SLC26A3: variants seen among roughly 807,000 people sequenced by gnomAD.
SLC26A3 encodes chloride anion exchanger.
SLC26A3 carries 64 observed loss-of-function variants against 85.6 expected under a neutral mutation model. That is an observed-to-expected ratio of 0.75 (90% CI 0.61 to 0.92). The LOEUF is 0.92. Ranked by LOEUF, SLC26A3 falls within the 40% of genes least tolerant of loss-of-function variation. The pLI, the probability that SLC26A3 is intolerant of heterozygous loss-of-function variation, is 0.00. For synonymous variants in SLC26A3, 349 were observed against 336.0 expected, an observed-to-expected ratio of 1.04 and a Z score of -0.42; for missense variants, 922 against 927.3, an observed-to-expected ratio of 0.99 and a Z score of 0.07.
chr7:107,771,445 T>C (rs992688607), intron 18 of SLC26A3, among the ~76,000 whole-genome samples: 3 of 152,096 alleles, frequency 2.0e-5, no homozygotes, highest in African/African-American at 7.2e-5. Flanking sequence ...AACTATGGTA[T>C]AGAGTGTACG....
chr7:107,770,007 TTTCTTTCTTTCTTTCTTTCTTTCTTTC>T lies in SLC26A3; in HGVS notation c.2062+2020_2062+2046del, dbSNP rs1257960639. On this transcript the variant is annotated intron_variant, in intron 18 of 20. Transcript: ENST00000340010. ...TTCCTTCCTTCCTTTTTTCTCTTTCTTTCTTTCTTTCTTTCTTTCTTTCTTTCTTTCTTTCTTTCTTTCTCTTTTCTT... is the reference window on the plus strand; with the variant it reads ...TTCCTTCCTTCCTTTTTTCTCTTTCTTTTCTTTCTTTCTTTCTCTTTTCTT... Among the ~76,000 whole-genome samples the T allele has an allele frequency of 3.5e-3, 124 of 35,196 alleles. No individual in the cohort carries two copies. In the African/African-American group the frequency reaches 0.036, roughly 10 times the overall value. The allele number at this position is 35,196 out of a possible 152,430, so 23.1% of individuals were successfully genotyped here.
intron 11 of SLC26A3, among the ~76,000 whole-genome samples, chr7:107,781,599 G>A (rs1362587116): frequency 6.6e-6 from 1 of 152,126 alleles, no homozygotes; most frequent in African/African-American, 2.4e-5. Flanking sequence ...TATTTCTTTA[G>A]TGGTGACTTT....
rs1279506832 is a variant in SLC26A3 at position 107,788,912 on chromosome 7, A to C, written c.735+612T>G. ...GATCCTCTGCCTCAGCCTTCCAAAA[A>C]GCTGGGACTGCAGACATGCACCACC... On this transcript the variant is annotated intron_variant, in intron 6 of 20. Coordinates refer to ENST00000340010, the MANE Select transcript of SLC26A3 (RefSeq NM_000111.3). 2.0e-5 allele frequency among the ~76,000 whole-genome samples: 3 copies of C among 149,446 alleles called. No individual in the cohort carries two copies. In the East Asian group the frequency reaches 5.9e-4, roughly 29 times the overall value.
At chr7:107,790,580 C>T (rs1030181864) in intron 5 of SLC26A3, among the ~76,000 whole-genome samples, 2 of 152,100 alleles carry the variant, frequency 1.3e-5, no homozygotes, top group Non-Finnish European at 2.9e-5. Context: ...CACCATAATC[C>T]TCGTCAGTTT....
chr7:107,799,547 T>G (rs774069569), intron 1 of SLC26A3, among the ~76,000 whole-genome samples: 1 of 152,086 alleles, frequency 6.6e-6, no homozygotes, highest in Non-Finnish European at 1.5e-5. Context: ...CCCGTTACCA[T>G]GCCCAGCTAA....
chr7:107,790,277 G>A (rs903704890), intron 5 of SLC26A3, among the ~76,000 whole-genome samples: 1 of 152,120 alleles, frequency 6.6e-6, no homozygotes, highest in African/African-American at 2.4e-5. Context: ...TTGGATACTT[G>A]GCCTGTCTTT....
rs772479643 is a variant in SLC26A3 at position 107,793,879 on chromosome 7, C to T, written c.134G>A (p.Cys45Tyr). ...FLDHLKVCCS[C>Y]SPQKAKRIVL... Reference sequence around the variant, plus strand: ...AATTCTCTTGGCCTTTTGTGGGGAACAGCTGAAAACATGGAAAGCCACAGG... The same window carrying T: ...AATTCTCTTGGCCTTTTGTGGGGAATAGCTGAAAACATGGAAAGCCACAGG... Residue 45 changes from cysteine to tyrosine, a missense_variant and splice_region_variant, in exon 3 of 21, where the codon TGT (cysteine) becomes TAT (tyrosine). By Grantham distance (194) the Cys-to-Tyr change is radical. Coordinates refer to ENST00000340010, the MANE Select transcript of SLC26A3 (RefSeq NM_000111.3). The T allele has an allele frequency of 6.8e-6, 11 of 1,613,826 alleles. No individual in the cohort carries two copies. The South Asian group carries it at 9.9e-5, about 15-fold the overall frequency.
At chr7:107,779,172 A>G (rs1013491125) in intron 12 of SLC26A3, among the ~76,000 whole-genome samples, 3 of 152,216 alleles carry the variant, frequency 2.0e-5, no homozygotes, top group African/African-American at 4.8e-5. Flanking sequence ...ACCTAAGGGT[A>G]TGTTAACAGG....
chr7:107,778,475 G>C (rs1308030245), intron 12 of SLC26A3, among the ~76,000 whole-genome samples, 194 bp from the exon 13 acceptor site: 1 of 150,130 alleles, frequency 6.7e-6, no homozygotes, highest in Non-Finnish European at 1.5e-5. Context: ...GGAGCAAAGT[G>C]CACAGAAGAC....
chr7:107,774,994 C>A, intron 15 of SLC26A3, 122 bp from the exon 16 acceptor site: 1 of 820,344 alleles, frequency 1.2e-6, no homozygotes. Flanking sequence ...ATATTTGTGA[C>A]AAAATTTAAA....
rs1177208040 is a variant in SLC26A3 at position 107,767,766 on chromosome 7, C to A, written c.2205G>T (p.Gln735His). 1 of 1,613,722 alleles carries A rather than the reference C, an allele frequency of 6.2e-7. No homozygotes were observed. Among genetic ancestry groups the A allele is most frequent in the Non-Finnish European group, 8.5e-7 (1 of 1,179,842 alleles). ...GTGAAAGTCACCAAAGAGCTGATAC[C>A]TGACTGGGATTAAACTTTGAAGTAC... ...DYSTSKFNPS[Q>H]EKDGKIDFTI... The change falls in exon 19 of 21, where the codon CAG becomes CAT. Residue 735 changes from glutamine to histidine, a missense_variant and splice_region_variant. Physicochemically the swap from Gln to His is conservative, Grantham distance 24. Transcript: ENST00000340010.
chr7:107,777,832 C>T (rs1361045333), intron 13 of SLC26A3, among the ~76,000 whole-genome samples: 2 of 152,142 alleles, frequency 1.3e-5, no homozygotes, highest in Non-Finnish European at 2.9e-5. Context: ...CCATGTTTAA[C>T]AAGTACAAGG....
intron 15 of SLC26A3, among the ~76,000 whole-genome samples, chr7:107,775,351 G>GT (rs1226723777): frequency 6.6e-6 from 1 of 151,292 alleles, no homozygotes; most frequent in Non-Finnish European, 1.5e-5. Flanking sequence ...GCTAATCTTT[G>GT]TTTTTTTCAA....
intron 13 of SLC26A3, 96 bp from the exon 14 acceptor site, chr7:107,776,802 CTT>C: frequency 9.3e-7 from 1 of 1,073,376 alleles, no homozygotes; most frequent in Non-Finnish European, 1.4e-6. Flanking sequence ...AGCAGGCTCA[CTT>C]TTCAAAATGT....
chr7:107,802,291 AG>A (rs568089983), intron 1 of SLC26A3, among the ~76,000 whole-genome samples: 26 of 152,088 alleles, frequency 1.7e-4, no homozygotes, highest in Non-Finnish European at 3.7e-4. Flanking sequence ...ATCTTGATAG[AG>A]TTAGTAATGT....
At chr7:107,791,313 T>C (rs1794398060) in intron 4 of SLC26A3, 78 bp from the exon 5 acceptor site, 2 of 1,464,510 alleles carry the variant, frequency 1.4e-6, no homozygotes, top group South Asian at 1.1e-5. Flanking sequence ...AATAAGACCA[T>C]ATAAAATGAC....
intron 6 of SLC26A3, 47 bp from the exon 7 acceptor site, chr7:107,787,556 A>G (rs762898101): frequency 1.3e-6 from 2 of 1,518,702 alleles, no homozygotes; most frequent in Admixed American, 1.7e-5. Context: ...ATTAATGCAC[A>G]ATTTGGATAC....
chr7:107,796,715 A>C (rs1269956954), intron 1 of SLC26A3, among the ~76,000 whole-genome samples: 2 of 148,650 alleles, frequency 1.3e-5, no homozygotes, highest in African/African-American at 5.3e-5. Context: ...ATTTCTCACA[A>C]AGGGTATCTG....
At chr7:107,779,880 A>G (rs1424811315) in intron 11 of SLC26A3, 117 bp from the exon 12 acceptor site, 3 of 827,162 alleles carry the variant, frequency 3.6e-6, no homozygotes, top group African/African-American at 3.4e-5. Context: ...AAATCAAAGC[A>G]TTACACCCTT....
Sources: gnomAD v4.1 joint callset for allele counts (sites outside exome capture counted in the v4.1 genomes callset) on GRCh38, gnomAD v4.1.1 for gene constraint, MANE v1.5 for transcripts, NCBI Gene and HGNC (gene_info 2026-07-23, HGNC 2026-07-21) for gene names.